The following TMEM154 variants were observed in gnomAD, a reference collection of about 807,000 sequenced individuals.
TMEM154 encodes the protein transmembrane protein 154.
A neutral mutation model predicts 24.5 loss-of-function variants in TMEM154; 27 were observed. The ratio of observed to expected loss-of-function variants is 1.10; its 90% CI spans 0.81 to 1.52. The LOEUF is 1.52. TMEM154 is among the 40% of genes most tolerant of loss of function. The pLI is 0.00. For missense variants in TMEM154, 228 were observed against 213.4 expected, an observed-to-expected ratio of 1.07 and a Z score of -0.43; for synonymous variants, 67 against 76.8, an observed-to-expected ratio of 0.87 and a Z score of 0.67.
intron 1 of TMEM154, among the ~76,000 whole-genome samples, chr4:152,678,802 C>T (rs1579543887): frequency 6.6e-6 from 1 of 152,310 alleles, no homozygotes; most frequent in Non-Finnish European, 1.5e-5. Flanking sequence ...GAATGATTTG[C>T]CTTCCACTTT....
chr4:152,668,138 A>C (rs1728756964), intron 1 of TMEM154, among the ~76,000 whole-genome samples: 1 of 152,194 alleles, frequency 6.6e-6, no homozygotes, highest in South Asian at 2.1e-4. Context: ...TGACCGCCTG[A>C]CTACCTTTTT....
At chr4:152,642,251 A>G in intron 5 of TMEM154, among the ~76,000 whole-genome samples, 1 of 152,090 alleles carries the variant, frequency 6.6e-6, no homozygotes, top group East Asian at 1.9e-4. Flanking sequence ...CAGTCTCTGA[A>G]TTTTCTAACT....
chr4:152,639,913 T>C (rs1752224087), intron 6 of TMEM154: 1 of 152,804 alleles, frequency 6.5e-6, no homozygotes, highest in Non-Finnish European at 1.5e-5. Context: ...TTTGTCTGAG[T>C]AAGACTGTGG....
At chr4:152,632,994 T>C (rs988936797) in intron 6 of TMEM154, among the ~76,000 whole-genome samples, 4 of 152,072 alleles carry the variant, frequency 2.6e-5, no homozygotes, top group African/African-American at 9.6e-5. Flanking sequence ...TTAGTAATCC[T>C]TATTTTGCAG....
intron 4 of TMEM154, 152 bp from the exon 5 acceptor site, chr4:152,643,325 C>T (rs761495527): frequency 1.6e-6 from 1 of 607,840 alleles, no homozygotes; most frequent in Non-Finnish European, 2.8e-6. Flanking sequence ...CTATTCCAAA[C>T]TACCAAACTT....
chr4:152,625,656 C>T lies in TMEM154; in HGVS notation c.*2890G>A, dbSNP rs1485271119. 6.7e-6 allele frequency: 1 copy of T among 149,200 alleles called. No individual in the cohort carries two copies. Among genetic ancestry groups the T allele is most frequent in the Non-Finnish European group, 1.5e-5 (1 of 67,788 alleles). The allele number at this position is 149,200 out of a possible 1,614,324, so 9.2% of individuals were successfully genotyped here. A position where few individuals can be genotyped will look rare whatever the true frequency, so the allele number is the denominator to read the frequency against. On this transcript the variant is annotated 3_prime_UTR_variant, in exon 7 of 7. Coordinates refer to ENST00000304385, the MANE Select transcript of TMEM154 (RefSeq NM_152680.3). ...CCGAGATCGTGACACTGCACTCTAA[C>T]CTGGGTGACAGAGTGAGACTCCATC...
At chr4:152,663,490 G>GC (rs1413979189) in intron 1 of TMEM154, among the ~76,000 whole-genome samples, 10 of 152,222 alleles carry the variant, frequency 6.6e-5, no homozygotes, top group Admixed American at 1.3e-4. Flanking sequence ...GTCTTGCGTG[G>GC]CTTCATGCCC....
chr4:152,651,736 C>T (rs1438861988), intron 3 of TMEM154, among the ~76,000 whole-genome samples: 1 of 152,242 alleles, frequency 6.6e-6, no homozygotes, highest in African/African-American at 2.4e-5. Context: ...TAGTTTCCTT[C>T]AAGAACTTTT....
In TMEM154 at chr4:152,640,795, C is replaced by T. The variant is rs180714607; in HGVS notation, c.536+133G>A. On this transcript the variant is annotated intron_variant, in intron 6 of 6. Transcript: ENST00000304385. ...CACTTCCTCTTCTCCACACTATGCA[C>T]ATATCCAGCCGCGTAAATGATCTCA... is the stretch of plus-strand genomic sequence containing the variant. The T allele has an allele frequency of 1.8e-5, 13 of 731,438 alleles. No homozygotes were observed. The Admixed American group carries it at 2.8e-4, about 16-fold the overall frequency. 45.3% of individuals were successfully genotyped at this position (731,438 alleles called of 1,614,324 possible). A position where few individuals can be genotyped will look rare whatever the true frequency, so the allele number is the denominator to read the frequency against.
intron 1 of TMEM154, 151 bp downstream of exon 1, chr4:152,679,719 C>G: frequency 8.6e-7 from 1 of 1,156,954 alleles, no homozygotes; most frequent in South Asian, 1.3e-5. Context: ...TCCCACCCCC[C>G]AAAAAAAGGA....
chr4:152,652,273 TAAAAA>T (rs11331839), intron 3 of TMEM154, among the ~76,000 whole-genome samples: 1 of 135,066 alleles, frequency 7.4e-6, no homozygotes. Context: ...TTCAATTTGT[TAAAAA>T]AAAAAAAAAA....
chr4:152,674,413 G>A (rs1431917685), intron 1 of TMEM154, among the ~76,000 whole-genome samples: 1 of 152,138 alleles, frequency 6.6e-6, no homozygotes, highest in African/African-American at 2.4e-5. Flanking sequence ...TGTGGAACCT[G>A]GGCCCTCCTC....
intron 6 of TMEM154, among the ~76,000 whole-genome samples, chr4:152,634,178 T>C (rs1026267814): frequency 2.0e-5 from 3 of 152,102 alleles, no homozygotes; most frequent in African/African-American, 7.2e-5. Context: ...ATGGGCATGC[T>C]ACCAGTTAAA....
rs74338389 is a variant in TMEM154 at position 152,661,791 on chromosome 4, A to G, written c.65-8864T>C. Among the ~76,000 whole-genome samples, 626 of 152,330 alleles carry G rather than the reference A, an allele frequency of 4.1e-3. 7 individuals are homozygous for G. Among genetic ancestry groups the G allele is most frequent in the African/African-American group, 0.014 (590 of 41,566 alleles). Reference sequence around the variant, plus strand: ...AGTAGTTTTTGAATAGGTAATCTGCACATGGTACTCAGTTCAGAAAGGAAG... The same window carrying G: ...AGTAGTTTTTGAATAGGTAATCTGCGCATGGTACTCAGTTCAGAAAGGAAG... On this transcript the variant is annotated intron_variant, in intron 1 of 6. Coordinates refer to ENST00000304385, the MANE Select transcript of TMEM154 (RefSeq NM_152680.3).
At chr4:152,670,594 C>CA (rs1728817766) in intron 1 of TMEM154, among the ~76,000 whole-genome samples, 1 of 151,050 alleles carries the variant, frequency 6.6e-6, no homozygotes, top group Admixed American at 6.6e-5. Flanking sequence ...GACTCCATCT[C>CA]AAAAAAATAA....
intron 6 of TMEM154, among the ~76,000 whole-genome samples, chr4:152,632,331 C>T (rs1752061550): frequency 6.6e-6 from 1 of 152,166 alleles, no homozygotes; most frequent in Non-Finnish European, 1.5e-5. Flanking sequence ...TTAAATAATG[C>T]ACTTGCTATG....
At chr4:152,667,715 G>C (rs972919180) in intron 1 of TMEM154, among the ~76,000 whole-genome samples, 1 of 152,246 alleles carries the variant, frequency 6.6e-6, no homozygotes, top group African/African-American at 2.4e-5. Flanking sequence ...AAAGGTATTT[G>C]AGATCATCAA....
At chr4:152,661,284 T>TCTCTC (rs1728596176) in intron 1 of TMEM154, among the ~76,000 whole-genome samples, 1 of 63,408 alleles carries the variant, frequency 1.6e-5, no homozygotes, top group South Asian at 7.1e-4. Flanking sequence ...ATTGTTCTCT[T>TCTCTC]TCTCTCTCTC....
intron 1 of TMEM154, among the ~76,000 whole-genome samples, chr4:152,664,379 G>C (rs544597174): frequency 0.031 from 4,656 of 150,766 alleles, 240 homozygotes; most frequent in African/African-American, 0.099. Context: ...TGTCGTGGCG[G>C]GGGGGTACAA....
Sources: gnomAD v4.1 joint callset for allele counts (sites outside exome capture counted in the v4.1 genomes callset) on GRCh38, gnomAD v4.1.1 for gene constraint, MANE v1.5 for transcripts, NCBI Gene and HGNC (gene_info 2026-07-23, HGNC 2026-07-21) for gene names.